Variants in BLTP1 observed in about 807,000 individuals in gnomAD.
The protein encoded by BLTP1 is bridge-like lipid transfer protein family member 1, also known as fragile site-associated protein.
the BLTP1 span, chr4:122,353,205 C>T: frequency 1.9e-6 from 3 of 1,582,626 alleles, no homozygotes; most frequent in Non-Finnish European, 2.6e-6. This position sits in a 1 kb window ranked among gnomAD's most constrained non-coding sequence, Gnocchi z 4.3. Flanking sequence ...TCTGTTATGA[C>T]TATAAATGAC....
At chr4:122,271,779 A>C in the BLTP1 span, 1 of 1,116,054 alleles carries the variant, frequency 9.0e-7, no homozygotes, top group Non-Finnish European at 1.3e-6. Flanking sequence ...AATAATACCA[A>C]AGAAGCAGAA....
the BLTP1 span, among the ~76,000 whole-genome samples, chr4:122,266,092 A>T: frequency 6.6e-6 from 1 of 152,292 alleles, no homozygotes; most frequent in Admixed American, 6.5e-5. Context: ...CTATATTTAG[A>T]ATGTAGAAGG....
the BLTP1 span, among the ~76,000 whole-genome samples, chr4:122,294,983 C>T: frequency 6.6e-6 from 1 of 152,082 alleles, no homozygotes; most frequent in Non-Finnish European, 1.5e-5. Flanking sequence ...CAAGTATCAA[C>T]AGCACAATAG....
the BLTP1 span, among the ~76,000 whole-genome samples, chr4:122,233,800 T>C: frequency 2.0e-5 from 3 of 152,212 alleles, no homozygotes; most frequent in Non-Finnish European, 4.4e-5. Context: ...TAATACAATT[T>C]ATGATTAGTT....
At chr4:122,201,023 C>A in the BLTP1 span, 2 of 1,612,036 alleles carry the variant, frequency 1.2e-6, no homozygotes, top group Admixed American at 3.4e-5. Flanking sequence ...ACATCAATGC[C>A]AGCTACCCCC....
the BLTP1 span, chr4:122,350,189 C>T: frequency 6.9e-7 from 1 of 1,445,266 alleles, no homozygotes; most frequent in Non-Finnish European, 9.1e-7. Flanking sequence ...CCCACAGGCT[C>T]TTTATCTCAC....
At chr4:122,304,520 T>C in the BLTP1 span, 1 of 161,480 alleles carries the variant, frequency 6.2e-6, no homozygotes, top group African/African-American at 2.4e-5. Flanking sequence ...CAAAGTATTT[T>C]TTAAATTAAG....
At chr4:122,325,883 C>T in the BLTP1 span, 1 of 1,182,536 alleles carries the variant, frequency 8.5e-7, no homozygotes, top group Non-Finnish European at 1.1e-6. Flanking sequence ...GGAAGTACAC[C>T]ACAATCCAGC....
chr4:122,290,093 C>T, the BLTP1 span, among the ~76,000 whole-genome samples: 4 of 152,130 alleles, frequency 2.6e-5, no homozygotes, highest in African/African-American at 9.7e-5. Context: ...GAAGGAACTA[C>T]ATTATGTAGC....
At chr4:122,210,530 A>G in the BLTP1 span, among the ~76,000 whole-genome samples, 2 of 152,162 alleles carry the variant, frequency 1.3e-5, no homozygotes, top group Non-Finnish European at 2.9e-5. Flanking sequence ...TTAAATAGCT[A>G]TTTATATGAA....
chr4:122,255,389 C>A, the BLTP1 span: 1 of 808,386 alleles, frequency 1.2e-6, no homozygotes, highest in South Asian at 1.8e-5. Flanking sequence ...AAATACAAGT[C>A]TATAGGCCTG....
the BLTP1 span, among the ~76,000 whole-genome samples, chr4:122,191,822 A>G: frequency 6.6e-6 from 1 of 152,118 alleles, no homozygotes. Flanking sequence ...AACAGCTATG[A>G]GAATCCACCT....
the BLTP1 span, among the ~76,000 whole-genome samples, chr4:122,346,172 C>G: frequency 3.7e-3 from 566 of 152,222 alleles, 4 homozygotes; most frequent in African/African-American, 0.013. Flanking sequence ...CAGAGCAGAA[C>G]TCTGGAAGAA....
At chr4:122,263,194 C>T in the BLTP1 span, 13 of 984,790 alleles carry the variant, frequency 1.3e-5, no homozygotes, top group Middle Eastern at 5.2e-4. Flanking sequence ...GCAGCTCTGA[C>T]GAATGTCAAT....
chr4:122,217,418 A>G, the BLTP1 span, among the ~76,000 whole-genome samples: 1 of 151,782 alleles, frequency 6.6e-6, no homozygotes, highest in Non-Finnish European at 1.5e-5. Context: ...TTTAATGGGA[A>G]TTGCAATTAA....
the BLTP1 span, chr4:122,257,307 C>A: frequency 6.2e-7 from 1 of 1,613,804 alleles, no homozygotes; most frequent in South Asian, 1.1e-5. Context: ...GTTGCACTGG[C>A]AAGGCAGTGG....
the BLTP1 span, chr4:122,339,483 A>G: frequency 2.0e-6 from 2 of 982,884 alleles, no homozygotes; most frequent in Non-Finnish European, 2.8e-6. Context: ...AATAGTAATT[A>G]ATACATATTT....
chr4:122,304,564 A>G, the BLTP1 span: 5 of 180,022 alleles, frequency 2.8e-5, no homozygotes, highest in Admixed American at 2.0e-4. Context: ...TAATGGTATT[A>G]CACATTTAAT....
chr4:122,305,706 A>G, the BLTP1 span: 2 of 927,730 alleles, frequency 2.2e-6, no homozygotes, highest in Non-Finnish European at 2.6e-6. Flanking sequence ...GCTATTTTGT[A>G]TATTAATTTC....
Sources: allele counts gnomAD v4.1 joint callset (sites outside exome capture counted in the v4.1 genomes callset), GRCh38; gene constraint gnomAD v4.1.1; non-coding constraint Gnocchi (gnomAD v3.1); transcripts MANE v1.5; gene names NCBI Gene and HGNC (gene_info 2026-07-23, HGNC 2026-07-21).